The following NDNF variants were observed in gnomAD, a reference collection of about 807,000 sequenced individuals.
The protein encoded by NDNF is neuron derived neurotrophic factor.
In NDNF, 16 loss-of-function variants were observed where a neutral mutation model predicts 42.0. The ratio of observed to expected loss-of-function variants is 0.38; its 90% CI spans 0.26 to 0.58. The LOEUF (loss-of-function observed/expected upper bound fraction) is 0.58. Ranked by LOEUF, NDNF falls within the 20% of genes least tolerant of loss-of-function variation. The pLI, the probability that NDNF is intolerant of heterozygous loss-of-function variation, is 0.67. For missense variants in NDNF, 616 were observed against 666.2 expected (o/e 0.92, Z 0.83); for synonymous variants, 248 against 251.7 (o/e 0.99, Z 0.14).
At chr4:121,056,153 T>C (rs1233659059) in intron 1 of NDNF, among the ~76,000 whole-genome samples, 1 of 152,234 alleles carries the variant, frequency 6.6e-6, no homozygotes, top group Non-Finnish European at 1.5e-5. Flanking sequence ...CTTATGCTAC[T>C]GGGCACTTAT....
At chr4:121,037,841 A>C in intron 3 of NDNF, 184 bp from the exon 4 acceptor site, 1 of 496,238 alleles carries the variant, frequency 2.0e-6, no homozygotes, top group Non-Finnish European at 3.5e-6. Flanking sequence ...GTTCTTATAT[A>C]TGTGTAAGGC....
intron 1 of NDNF, among the ~76,000 whole-genome samples, chr4:121,046,211 G>A (rs1314232009): frequency 6.6e-6 from 1 of 152,060 alleles, no homozygotes; most frequent in South Asian, 2.1e-4. Flanking sequence ...AATCTCTTAA[G>A]GTCAGTTTTT....
chr4:121,048,889 C>A (rs958907284), intron 1 of NDNF, among the ~76,000 whole-genome samples: 7 of 152,118 alleles, frequency 4.6e-5, no homozygotes, highest in African/African-American at 1.7e-4. Context: ...TTGTTGTATA[C>A]ATGCCACATG....
chr4:121,066,389 C>T (rs1019217773), intron 1 of NDNF, among the ~76,000 whole-genome samples: 10 of 151,966 alleles, frequency 6.6e-5, no homozygotes, highest in Non-Finnish European at 7.4e-5. Context: ...TAAATTATAA[C>T]CATCTACACT....
chr4:121,057,571 C>T (rs771295674), intron 1 of NDNF, among the ~76,000 whole-genome samples: 1 of 152,156 alleles, frequency 6.6e-6, no homozygotes, highest in Non-Finnish European at 1.5e-5. Context: ...GATGCTCTGA[C>T]GTCCATTATC....
At chr4:121,037,941 CCTAA>C (rs1489607516) in intron 3 of NDNF, 7 of 310,848 alleles carry the variant, frequency 2.3e-5, no homozygotes, top group African/African-American at 6.4e-5. Flanking sequence ...CATTATTAAT[CCTAA>C]CTGTCAATCT....
chr4:121,045,411 G>T (rs1727073289), intron 2 of NDNF, among the ~76,000 whole-genome samples: 1 of 151,234 alleles, frequency 6.6e-6, no homozygotes, highest in African/African-American at 2.4e-5. Context: ...ATTCCAAAAT[G>T]TAAGAAATGC....
chr4:121,066,194 CAT>C (rs924403672), intron 1 of NDNF, among the ~76,000 whole-genome samples: 1 of 152,112 alleles, frequency 6.6e-6, no homozygotes, highest in African/African-American at 2.4e-5. Flanking sequence ...TAAAAAGTAA[CAT>C]ATTTTCATAG....
chr4:121,045,355 GA>G lies in NDNF; in HGVS notation c.188+294del, dbSNP rs200400980. Among the ~76,000 whole-genome samples the G allele has an allele frequency of 5.1e-3, 702 of 136,992 alleles. 1 individual carries two copies. The highest frequency in any genetic ancestry group is 9.6e-3 in the African/African-American group (352 of 36,728). The allele number at this position is 136,992 out of a possible 152,430, so 89.9% of individuals were successfully genotyped here. A position where few individuals can be genotyped will look rare whatever the true frequency, so the allele number is the denominator to read the frequency against. On this transcript the variant is annotated intron_variant, in intron 2 of 3. Transcript: ENST00000379692. ...CAACAGAGCGAGACTCCGTCTCAGG[GA>G]AAAAAAAAAAAAAATCCTCCTGTAC...
At position 121,037,423 on chromosome 4, in the gene NDNF, T is replaced by C. The variant is rs1458755515; in HGVS notation, c.548A>G (p.Asp183Gly). Reference protein sequence around the residue: ...YPELPYDPRVDVTSLGRTTVT... With the variant: ...YPELPYDPRVGVTSLGRTTVT... ...CGTGGTGCGCCCCAGTGAGGTCACATCTACTCTTGGGTCATAGGGTAACTC... is the reference window on the plus strand; with the variant it reads ...CGTGGTGCGCCCCAGTGAGGTCACACCTACTCTTGGGTCATAGGGTAACTC... The change falls in exon 4 of 4, where the codon GAT becomes GGT. Residue 183 changes from aspartate to glycine, a missense_variant. Asp to Gly is a moderately conservative substitution (Grantham distance 94, BLOSUM62 -1). Transcript: ENST00000379692. 1 of 1,614,160 alleles carries C rather than the reference T, an allele frequency of 6.2e-7. No individual in the cohort carries two copies. Among genetic ancestry groups the C allele is most frequent in the East Asian group, 2.2e-5 (1 of 44,878 alleles).
At chr4:121,064,162 G>A (rs1727461478) in intron 1 of NDNF, among the ~76,000 whole-genome samples, 1 of 152,162 alleles carries the variant, frequency 6.6e-6, no homozygotes, top group African/African-American at 2.4e-5. Flanking sequence ...TAAAACCAAA[G>A]AGTTACAACT....
Position 121,060,086 on chromosome 4 carries a change from G to C in NDNF, c.-2+11907C>G, listed in dbSNP as rs145299058. Among the ~76,000 whole-genome samples, 333 of 152,278 alleles carry C rather than the reference G, an allele frequency of 2.2e-3. 3 individuals are homozygous for C. The highest frequency in any genetic ancestry group is 7.7e-3 in the African/African-American group (318 of 41,554). On this transcript the variant is annotated intron_variant, in intron 1 of 3. Transcript: ENST00000379692. ...TAAACCTCTATTTAGGGAGAGGTAT[G>C]AATGAAAGACATTGCCCATATCCTT...
intron 1 of NDNF, among the ~76,000 whole-genome samples, chr4:121,069,554 T>G (rs369862998): frequency 6.6e-6 from 1 of 152,190 alleles, no homozygotes; most frequent in Non-Finnish European, 1.5e-5. Flanking sequence ...AAACAGAGTG[T>G]TACTGCCACA....
At chr4:121,048,926 T>C (rs1560606243) in intron 1 of NDNF, among the ~76,000 whole-genome samples, 2 of 152,170 alleles carry the variant, frequency 1.3e-5, no homozygotes, top group East Asian at 1.9e-4. Flanking sequence ...GTTCTTTATA[T>C]ATATTATTTC....
At chr4:121,065,968 A>T (rs1727492647) in intron 1 of NDNF, among the ~76,000 whole-genome samples, 1 of 152,080 alleles carries the variant, frequency 6.6e-6, no homozygotes, top group South Asian at 2.1e-4. Flanking sequence ...AAAGTTAAAA[A>T]TAAAATTAAT....
intron 1 of NDNF, among the ~76,000 whole-genome samples, chr4:121,046,804 G>C (rs1041893379): frequency 6.6e-6 from 1 of 152,204 alleles, no homozygotes; most frequent in African/African-American, 2.4e-5. Context: ...CAAAGACACT[G>C]TCTTCCACAT....
At chr4:121,057,881 A>G (rs890621457) in intron 1 of NDNF, among the ~76,000 whole-genome samples, 2 of 152,202 alleles carry the variant, frequency 1.3e-5, no homozygotes, top group Non-Finnish European at 2.9e-5. Context: ...GTACACTGTC[A>G]ATAAGTCAAC....
At chr4:121,058,531 G>A (rs1355176398) in intron 1 of NDNF, among the ~76,000 whole-genome samples, 1 of 152,156 alleles carries the variant, frequency 6.6e-6, no homozygotes, top group Non-Finnish European at 1.5e-5. Flanking sequence ...GTTGACTGAA[G>A]TGAACAGTAG....
chr4:121,061,021 G>T (rs1405353327), intron 1 of NDNF, among the ~76,000 whole-genome samples: 1 of 152,084 alleles, frequency 6.6e-6, no homozygotes, highest in African/African-American at 2.4e-5. Context: ...CTCTTTCCAC[G>T]CCCTGGAAAT....
Sources: allele counts gnomAD v4.1 joint callset (sites outside exome capture counted in the v4.1 genomes callset), GRCh38; gene constraint gnomAD v4.1.1; transcripts MANE v1.5; gene names NCBI Gene and HGNC (gene_info 2026-07-23, HGNC 2026-07-21).